The following CBLN2 variants were observed in gnomAD, a reference collection of about 807,000 sequenced individuals.
CBLN2 encodes the protein cerebellin 2 precursor, also known as cerebellin-2.
CBLN2 carries 7 observed loss-of-function variants against 15.0 expected under a neutral mutation model. The observed-to-expected ratio is 0.47, with a 90% CI of 0.27 to 0.88. The LOEUF is 0.88. Ranked by LOEUF, CBLN2 falls within the 40% of genes least tolerant of loss-of-function variation. The pLI, the probability that CBLN2 is intolerant of heterozygous loss-of-function variation, is 0.14. For missense variants in CBLN2, 242 were observed against 304.5 expected (o/e 0.79, Z 1.53); for synonymous variants, 149 against 135.2 (o/e 1.10, Z -0.71).
chr18:72,560,600 C>A (rs1400121483), intron 1 of CBLN2, among the ~76,000 whole-genome samples: 1 of 152,188 alleles, frequency 6.6e-6, no homozygotes, highest in Non-Finnish European at 1.5e-5. Flanking sequence ...ACAGAGACCG[C>A]ATGGCCTGCA....
intron 1 of CBLN2, among the ~76,000 whole-genome samples, chr18:72,608,707 A>G (rs1050664276): frequency 5.3e-5 from 8 of 152,278 alleles, no homozygotes; most frequent in African/African-American, 1.9e-4. Flanking sequence ...CGTGCCTAGG[A>G]GCACAGGTGT....
chr18:72,557,931 A>G (rs1330615476), intron 1 of CBLN2, among the ~76,000 whole-genome samples: 1 of 152,172 alleles, frequency 6.6e-6, no homozygotes, highest in Non-Finnish European at 1.5e-5. Context: ...ATGTTTTTTA[A>G]AAAAGTAAGC....
chr18:72,609,225 T>C (rs1351973129), intron 1 of CBLN2, among the ~76,000 whole-genome samples: 2 of 152,192 alleles, frequency 1.3e-5, no homozygotes, highest in East Asian at 3.9e-4. Context: ...ATAGAAATTT[T>C]TATGGGCTCC....
chr18:72,601,549 T>A (rs2069548391), intron 1 of CBLN2, among the ~76,000 whole-genome samples: 1 of 152,124 alleles, frequency 6.6e-6, no homozygotes. Context: ...TTAGCCCAAG[T>A]CACGCCATTT....
At chr18:72,604,210 G>A (rs942981052) in intron 1 of CBLN2, among the ~76,000 whole-genome samples, 6 of 152,190 alleles carry the variant, frequency 3.9e-5, no homozygotes, top group African/African-American at 1.4e-4. Flanking sequence ...CAGACCTGTT[G>A]AAACAGTCTG....
At chr18:72,590,260 G>A (rs550472222) in intron 1 of CBLN2, among the ~76,000 whole-genome samples, 2 of 148,814 alleles carry the variant, frequency 1.3e-5, no homozygotes, top group East Asian at 2.0e-4. Flanking sequence ...GCGAGACTCC[G>A]TCTCAAAAAA....
At chr18:72,606,705 G>T (rs780925882) in intron 1 of CBLN2, among the ~76,000 whole-genome samples, 1 of 152,236 alleles carries the variant, frequency 6.6e-6, no homozygotes, top group Non-Finnish European at 1.5e-5. Flanking sequence ...ACATCTGGAT[G>T]GGAGAAGATA....
chr18:72,558,416 T>C (rs370267501), intron 1 of CBLN2, among the ~76,000 whole-genome samples: 5 of 152,182 alleles, frequency 3.3e-5, no homozygotes, highest in African/African-American at 1.2e-4. Flanking sequence ...CCTTTTCCCA[T>C]TGCTGATCTT....
chr18:72,546,219 C>T (rs1198274316), upstream of CBLN2, among the ~76,000 whole-genome samples: 1 of 152,064 alleles, frequency 6.6e-6, no homozygotes, highest in Non-Finnish European at 1.5e-5. Flanking sequence ...GGGCGGATCA[C>T]GAGGTCAGGA....
At chr18:72,607,748 G>C (rs1307660912) in intron 1 of CBLN2, among the ~76,000 whole-genome samples, 1 of 151,274 alleles carries the variant, frequency 6.6e-6, no homozygotes, top group African/African-American at 2.4e-5. Flanking sequence ...AGACTGAGTG[G>C]AGGATTGGGT....
upstream of CBLN2, chr18:72,544,579 C>A (rs1249684311): frequency 6.6e-6 from 1 of 152,152 alleles, no homozygotes; most frequent in East Asian, 1.9e-4. Flanking sequence ...TGCTGATGGT[C>A]TTCTTTCACC....
intron 1 of CBLN2, among the ~76,000 whole-genome samples, chr18:72,553,150 G>C (rs993133211): frequency 4.6e-5 from 7 of 152,180 alleles, no homozygotes; most frequent in Non-Finnish European, 1.0e-4. Context: ...CACAACAGGA[G>C]ACCAGAGGGG....
intron 1 of CBLN2, among the ~76,000 whole-genome samples, chr18:72,588,059 T>G (rs1362172542): frequency 6.6e-6 from 1 of 152,216 alleles, no homozygotes; most frequent in East Asian, 1.9e-4. Context: ...ATTATGTAAG[T>G]TGGCTCATTT....
At chr18:72,588,437 C>T (rs1361037958) in intron 1 of CBLN2, among the ~76,000 whole-genome samples, 1 of 152,302 alleles carries the variant, frequency 6.6e-6, no homozygotes, top group South Asian at 2.1e-4. Flanking sequence ...AGTGGCATTT[C>T]GTACATTCAC....
intron 1 of CBLN2, among the ~76,000 whole-genome samples, chr18:72,600,276 A>T (rs2069539242): frequency 6.6e-6 from 1 of 152,186 alleles, no homozygotes; most frequent in Non-Finnish European, 1.5e-5. Flanking sequence ...GGGTGTGTCG[A>T]GTAGGTTTTT....
chr18:72,628,096 C>T (rs2069752067), intron 1 of CBLN2, among the ~76,000 whole-genome samples: 1 of 152,178 alleles, frequency 6.6e-6, no homozygotes, highest in Admixed American at 6.5e-5. Flanking sequence ...AACAGGGCTG[C>T]CTTGGTGGGC....
At chr18:72,597,843 A>C (rs1414867041) in intron 1 of CBLN2, among the ~76,000 whole-genome samples, 1 of 152,200 alleles carries the variant, frequency 6.6e-6, no homozygotes, top group African/African-American at 2.4e-5. Flanking sequence ...CACAGCAAGT[A>C]CTGCCTGGCT....
intron 1 of CBLN2, among the ~76,000 whole-genome samples, chr18:72,603,626 C>T (rs1169308420): frequency 6.6e-6 from 1 of 152,148 alleles, no homozygotes; most frequent in Non-Finnish European, 1.5e-5. Flanking sequence ...GCCTTTCCTT[C>T]CTCAAGCCCG....
intron 1 of CBLN2, among the ~76,000 whole-genome samples, chr18:72,590,818 G>A (rs1467759113): frequency 1.3e-5 from 2 of 152,094 alleles, no homozygotes; most frequent in Admixed American, 1.3e-4. Flanking sequence ...GCAGCTAGAA[G>A]ACCAAGTCAT....
Sources: allele counts gnomAD v4.1 joint callset (sites outside exome capture counted in the v4.1 genomes callset), GRCh38; gene constraint gnomAD v4.1.1; transcripts MANE v1.5; gene names NCBI Gene and HGNC (gene_info 2026-07-23, HGNC 2026-07-21).